The following MKS1 variants were observed in gnomAD, a reference collection of about 807,000 sequenced individuals.
MKS1 encodes the protein tectonic-like complex member MKS1.
MKS1 carries 70 observed loss-of-function variants against 83.7 expected under a neutral mutation model. That is an observed-to-expected ratio of 0.84 (90% CI 0.69 to 1.02). MKS1 has a LOEUF of 1.02. MKS1 is among the 50% of genes least tolerant of loss of function. The pLI, the probability that MKS1 is intolerant of heterozygous loss-of-function variation, is 0.00. For synonymous variants in MKS1, 251 were observed against 273.4 expected, an observed-to-expected ratio of 0.92 and a Z score of 0.81; for missense variants, 681 against 726.9, an observed-to-expected ratio of 0.94 and a Z score of 0.73.
chr17:58,214,959 C>T lies in MKS1; in HGVS notation c.418-121G>A, dbSNP rs952050794. 4 of 1,473,224 alleles carry T rather than the reference C, an allele frequency of 2.7e-6. No homozygotes were observed. In the African/African-American group the frequency reaches 5.6e-5, roughly 21 times the overall value. 91.3% of individuals were successfully genotyped at this position (1,473,224 alleles called of 1,614,324 possible). A position where few individuals can be genotyped will look rare whatever the true frequency, so the allele number is the denominator to read the frequency against. On this transcript the variant is annotated intron_variant, in intron 4 of 17. Coordinates refer to ENST00000393119, the MANE Select transcript of MKS1 (RefSeq NM_017777.4). ...GACCTGAACCCCACAGGTTCCGCCA[C>T]CTCACAATTATACATGCTAACGGAG...
At chr17:58,210,779 C>G in intron 10 of MKS1, 55 bp from the exon 11 acceptor site, 1 of 1,559,794 alleles carries the variant, frequency 6.4e-7, no homozygotes, top group Non-Finnish European at 8.8e-7. Flanking sequence ...CCCTTAGCAC[C>G]CAACCCAATC....
chr17:58,208,138 CAA>C lies in MKS1; in HGVS notation c.1130_1131del (p.Phe377Ter). The C allele has an allele frequency of 6.2e-7, 1 of 1,613,910 alleles. No individual in the cohort carries two copies. Among genetic ancestry groups the C allele is most frequent in the African/African-American group, 1.3e-5 (1 of 75,022 alleles). On this transcript the variant is annotated frameshift_variant, in exon 13 of 18. Coordinates refer to ENST00000393119, the MANE Select transcript of MKS1 (RefSeq NM_017777.4). LOFTEE classifies it high-confidence loss of function. ...TCATCCTCATGGAGGAAGAAGGCTT[CAA>C]ACGTGAATGGGTAGGAGAAGTGAGC... ...KVAHFSYPFTFEAFFLHEDES... is the reference protein window; with the variant it reads ...KVAHFSYPFTXEAFFLHEDES...
In MKS1 at chr17:58,218,626, T is replaced by C. The variant is rs758090787; in HGVS notation, c.184A>G (p.Thr62Ala). ...TCACCACCGTAACACCCACTGGCAG[T>C]TGGCTGAGGCCTAAAAGTGGCCAAG... ...IDLATFRPQP[T>A]ASGHRPEEDE... The change falls in exon 2 of 18, where the codon ACT (threonine) becomes GCT (alanine). Residue 62 changes from threonine to alanine, a missense_variant. This residue lies in a region of MKS1 where 365 missense variants were observed against 383.8 expected (regional missense o/e 0.95). Transcript: ENST00000393119. 3.5e-5 allele frequency: 56 copies of C among 1,605,816 alleles called. 3 individuals carry two copies. In the South Asian group the frequency reaches 5.5e-4, roughly 16 times the overall value.
intron 9 of MKS1, among the ~76,000 whole-genome samples, chr17:58,212,163 T>G (rs989637412): frequency 2.0e-5 from 3 of 152,200 alleles, no homozygotes; most frequent in Non-Finnish European, 4.4e-5. Context: ...AGCATGTGCA[T>G]AGCCTTTCAG....
In MKS1 at chr17:58,219,226, G is replaced by A. The variant is rs377040370; in HGVS notation, c.5C>T (p.Ala2Val). 8 of 1,550,678 alleles carry A rather than the reference G, an allele frequency of 5.2e-6. No homozygotes were observed. The African/African-American group carries it at 6.8e-5, about 13-fold the overall frequency. The change falls in exon 1 of 18, where the codon GCG (alanine) becomes GTG (valine). Residue 2 changes from alanine to valine, a missense_variant. Ala to Val is a moderately conservative substitution (Grantham distance 64). Around this residue, in one of 3 missense-constraint regions of MKS1, gnomAD observed 365 missense variants for 383.8 expected, o/e 0.95. Coordinates refer to ENST00000393119, the MANE Select transcript of MKS1 (RefSeq NM_017777.4). ...GGTGTCAGTGCTCCAGACGGTCTCC[G>A]CCATGACAGCTGCGACGCGCCGCGA... M[A>V]ETVWSTDTGE...
chr17:58,213,781 G>A lies in MKS1; in HGVS notation c.733C>T (p.Leu245Phe). ...VITVKPDFTG[L>F]KGPYRIETEG... is the part of the protein sequence containing the mutation. ...TCTCCTCACCTGTAGGGTCCTTTGAGGCCCGTGAAGTCAGGCTTTACTGTG... is the reference window on the plus strand; with the variant it reads ...TCTCCTCACCTGTAGGGTCCTTTGAAGCCCGTGAAGTCAGGCTTTACTGTG... Residue 245 changes from leucine to phenylalanine, a missense_variant, in exon 7 of 18, where the codon CTC (leucine) becomes TTC (phenylalanine). Leu to Phe is a conservative substitution (Grantham distance 22). Around this residue, in one of 3 missense-constraint regions of MKS1, gnomAD observed 365 missense variants for 383.8 expected, o/e 0.95. Transcript: ENST00000393119. 1.9e-6 allele frequency: 3 copies of A among 1,613,618 alleles called. No homozygotes were observed. The East Asian group carries it at 6.7e-5, about 36-fold the overall frequency.
intron 14 of MKS1, chr17:58,207,473 C>T: frequency 1.7e-6 from 1 of 580,824 alleles, no homozygotes; most frequent in South Asian, 2.0e-5. Context: ...AGCTCATTCT[C>T]CTCATCTAGT....
Position 58,212,361 on chromosome 17 carries a change from G to A in MKS1, c.915+17C>T. ...CTAAACACAGCTCACAGTGCTGCAG[G>A]AAGCCAAGCTACTCACCATCTCAAA... On this transcript the variant is annotated intron_variant, in intron 9 of 17. Transcript: ENST00000393119. 1 of 1,613,984 alleles carries A rather than the reference G, an allele frequency of 6.2e-7. No homozygotes were observed. Among genetic ancestry groups the A allele is most frequent in the African/African-American group, 1.3e-5 (1 of 75,044 alleles).
intron 9 of MKS1, 102 bp from the exon 10 acceptor site, chr17:58,211,124 T>A: frequency 8.4e-7 from 1 of 1,190,910 alleles, no homozygotes; most frequent in South Asian, 1.2e-5. Context: ...CCACTAGGGG[T>A]CAGGCCCTGG....
At chr17:58,210,133 C>A (rs1302287266) in intron 11 of MKS1, among the ~76,000 whole-genome samples, 1 of 152,040 alleles carries the variant, frequency 6.6e-6, no homozygotes, top group African/African-American at 2.4e-5. Context: ...GAGGAGGAAT[C>A]AAGAGTTCTT....
At chr17:58,210,819 T>A in intron 10 of MKS1, 95 bp from the exon 11 acceptor site, 1 of 1,464,778 alleles carries the variant, frequency 6.8e-7, no homozygotes, top group Non-Finnish European at 9.6e-7. Context: ...TGAGAGCAAG[T>A]CTTTTGAGGG....
At chr17:58,218,579 A>G (rs2143837928) in intron 2 of MKS1, 41 bp downstream of exon 2, 1 of 1,425,130 alleles carries the variant, frequency 7.0e-7, no homozygotes, top group Non-Finnish European at 9.9e-7. Flanking sequence ...GATTAGTATC[A>G]TAATTAGTAT....
intron 4 of MKS1, 82 bp from the exon 5 acceptor site, chr17:58,214,920 G>C: frequency 6.5e-7 from 1 of 1,530,852 alleles, no homozygotes; most frequent in Non-Finnish European, 8.7e-7. Context: ...TCTTCCTCCT[G>C]AAACCTCATC....
chr17:58,206,116 T>C lies in MKS1; in HGVS notation c.1643A>G (p.Gln548Arg). 1 of 1,613,408 alleles carries C rather than the reference T, an allele frequency of 6.2e-7. No homozygotes were observed. Among genetic ancestry groups the C allele is most frequent in the South Asian group, 1.1e-5 (1 of 90,996 alleles). The change falls in exon 18 of 18, where the codon CAG becomes CGG. Residue 548 changes from glutamine (Q) to arginine (R), a missense_variant. Gln to Arg is a conservative substitution (Grantham distance 43). This residue lies in a region of MKS1 where 310 missense variants were observed against 321.7 expected (regional missense o/e 0.96). Coordinates refer to ENST00000393119, the MANE Select transcript of MKS1 (RefSeq NM_017777.4). ...GGTTCCAGAGGGGCTCACTAGGTCC[T>C]GCGGGAGGCTTTCCCGGGCCTCCTG... ...RMQEARESLPQDLVSPSGTLV... is the reference protein window; with the variant it reads ...RMQEARESLPRDLVSPSGTLV...
At chr17:58,216,566 G>T in intron 3 of MKS1, 100 bp downstream of exon 3, 2 of 1,313,008 alleles carry the variant, frequency 1.5e-6, no homozygotes, top group South Asian at 1.2e-5. Flanking sequence ...AGTATAAACT[G>T]TTACAACCTG....
intron 17 of MKS1, 46 bp downstream of exon 17, chr17:58,206,237 C>A (rs775833435): frequency 3.0e-5 from 48 of 1,613,484 alleles, no homozygotes; most frequent in Non-Finnish European, 3.9e-5. Flanking sequence ...CAGAGAGAAA[C>A]AGGCCCATGC....
At chr17:58,213,959 AG>A in intron 6 of MKS1, 90 bp from the exon 7 acceptor site, 1 of 1,160,898 alleles carries the variant, frequency 8.6e-7, no homozygotes, top group Non-Finnish European at 1.3e-6. Context: ...GAGAGAACAG[AG>A]GCTATAGGGA....
In MKS1 at chr17:58,216,457, T is replaced by C. The variant is rs3760169; in HGVS notation, c.261+209A>G. ...TCTAATCCAAGTCTGCTATTACAGA[T>C]GGCATATAGCCCAGAGATGAAAAGT... On this transcript the variant is annotated intron_variant, in intron 3 of 17. Transcript: ENST00000393119. 2.2e-3 allele frequency among the ~76,000 whole-genome samples: 329 copies of C among 152,350 alleles called. 6 individuals carry two copies. The East Asian group carries it at 0.053, about 25-fold the overall frequency.
rs2143803705 is a variant in MKS1 at position 58,214,244 on chromosome 17, A to T, written c.644+15T>A. On this transcript the variant is annotated intron_variant, in intron 6 of 17. Coordinates refer to ENST00000393119, the MANE Select transcript of MKS1 (RefSeq NM_017777.4). ...AGGATGAGGCTCTAAGCTGGCAGTG[A>T]GAAGCGCCACTCACTTTTTATAGGG... 6.2e-7 allele frequency: 1 copy of T among 1,614,158 alleles called. No homozygotes were observed. The highest frequency in any genetic ancestry group is 8.5e-7 in the Non-Finnish European group (1 of 1,180,010).
Sources: allele counts gnomAD v4.1 joint callset (sites outside exome capture counted in the v4.1 genomes callset), GRCh38; gene constraint gnomAD v4.1.1; regional missense constraint gnomAD v4.1.1; transcripts MANE v1.5; gene names NCBI Gene and HGNC (gene_info 2026-07-23, HGNC 2026-07-21).